The following AKAP6 variants were observed in gnomAD, a reference collection of about 807,000 sequenced individuals.
AKAP6 encodes the protein A-kinase anchoring protein 6, also known as A-kinase anchor protein 6.
Under a neutral mutation model 188.5 loss-of-function variants are expected in AKAP6, and 58 were observed. The observed-to-expected ratio is 0.31, with a 90% confidence interval of 0.25 to 0.38. AKAP6 has a LOEUF of 0.38. AKAP6 is among the 10% of genes least tolerant of loss of function. The probability of loss-of-function intolerance (pLI) is 1.00; values close to 1 mark genes in which losing one functional copy is unlikely to be tolerated. For missense variants in AKAP6, 2,710 were observed against 2,740.0 expected, an observed-to-expected ratio of 0.99 and a Z score of 0.24; for synonymous variants, 989 against 998.6, an observed-to-expected ratio of 0.99 and a Z score of 0.18.
chr14:32,688,161 CCACA>C (rs978828722), intron 8 of AKAP6, among the ~76,000 whole-genome samples: 1 of 150,676 alleles, frequency 6.6e-6, no homozygotes, highest in African/African-American at 2.4e-5. Flanking sequence ...TACACACACA[CCACA>C]CACACACGTC....
chr14:32,490,785 C>T (rs1373679796), intron 2 of AKAP6, among the ~76,000 whole-genome samples: 1 of 152,172 alleles, frequency 6.6e-6, no homozygotes, highest in African/African-American at 2.4e-5. Context: ...AATATTTATA[C>T]TATATCTTCA....
chr14:32,686,330 T>A (rs1295966604), intron 8 of AKAP6, among the ~76,000 whole-genome samples: 1 of 151,872 alleles, frequency 6.6e-6, no homozygotes, highest in Admixed American at 6.6e-5. Flanking sequence ...TGTAGATGGT[T>A]AATGGGTTAA....
intron 8 of AKAP6, among the ~76,000 whole-genome samples, chr14:32,685,194 G>T (rs1205496849): frequency 3.9e-5 from 6 of 152,086 alleles, no homozygotes; most frequent in Non-Finnish European, 5.9e-5. Context: ...AGCCCAGGAG[G>T]TTGAGGCTGC....
At chr14:32,575,009 AG>A (rs1224804246) in intron 4 of AKAP6, among the ~76,000 whole-genome samples, 1 of 152,206 alleles carries the variant, frequency 6.6e-6, no homozygotes, top group African/African-American at 2.4e-5. Context: ...ACATCAAGTC[AG>A]ATATGAACCT....
intron 2 of AKAP6, among the ~76,000 whole-genome samples, chr14:32,487,135 G>A (rs749143035): frequency 2.6e-4 from 39 of 152,194 alleles, no homozygotes; most frequent in Non-Finnish European, 5.1e-4. Context: ...ATTTGTGTAT[G>A]TTGAACCAGC....
At chr14:32,780,155 A>AAAATATATATATATATATATAT (rs1555361856) in intron 12 of AKAP6, among the ~76,000 whole-genome samples, 1 of 91,444 alleles carries the variant, frequency 1.1e-5, no homozygotes, top group East Asian at 3.4e-4. Context: ...TGAAAAAAAA[A>AAAATATATATATATATATATAT]ACATATATAT....
At chr14:32,735,099 CAACAA>C (rs2031352009) in intron 10 of AKAP6, among the ~76,000 whole-genome samples, 2 of 152,078 alleles carry the variant, frequency 1.3e-5, no homozygotes, top group South Asian at 4.2e-4. Context: ...CAGGTAAAAT[CAACAA>C]CATCACCAAG....
chr14:32,420,915 G>GTGTGTGTGTGTGTC (rs1344144433), intron 1 of AKAP6, among the ~76,000 whole-genome samples: 1 of 150,960 alleles, frequency 6.6e-6, no homozygotes, highest in Non-Finnish European at 1.5e-5. Context: ...TGATTTGTGT[G>GTGTGTGTGTGTGTC]TGTGTGTGTG....
At chr14:32,555,379 C>T (rs1310972991) in intron 4 of AKAP6, among the ~76,000 whole-genome samples, 10 of 151,948 alleles carry the variant, frequency 6.6e-5, no homozygotes, top group African/African-American at 2.2e-4. Flanking sequence ...TCCAGAGGAA[C>T]GCATCCTAGC....
chr14:32,635,862 T>C (rs72667983), intron 7 of AKAP6, among the ~76,000 whole-genome samples: 3,123 of 152,168 alleles, frequency 0.021, 47 homozygotes, highest in Non-Finnish European at 0.031. Flanking sequence ...GAAGATTACT[T>C]CAAAGAATAG....
intron 7 of AKAP6, among the ~76,000 whole-genome samples, chr14:32,660,822 A>G (rs1049409862): frequency 6.6e-6 from 1 of 151,748 alleles, no homozygotes; most frequent in Non-Finnish European, 1.5e-5. Context: ...TCAATTCACC[A>G]TTCCTGTTTC....
chr14:32,754,140 TC>T (rs1338316305), intron 11 of AKAP6, among the ~76,000 whole-genome samples: 1 of 152,166 alleles, frequency 6.6e-6, no homozygotes, highest in Non-Finnish European at 1.5e-5. Flanking sequence ...GCTATTTCTC[TC>T]TTCGTTTCTG....
intron 13 of AKAP6, among the ~76,000 whole-genome samples, chr14:32,825,680 A>G (rs981564445): frequency 3.9e-5 from 6 of 152,178 alleles, no homozygotes; most frequent in Non-Finnish European, 8.8e-5. Flanking sequence ...AGTGATGAAT[A>G]TGCTTTCTCA....
intron 1 of AKAP6, among the ~76,000 whole-genome samples, chr14:32,369,817 G>A (rs1887951075): frequency 6.6e-6 from 1 of 152,128 alleles, no homozygotes; most frequent in Non-Finnish European, 1.5e-5. Context: ...GATCACCTGA[G>A]GTCAGGAGTT....
At chr14:32,408,523 A>T (rs201248380) in intron 1 of AKAP6, among the ~76,000 whole-genome samples, 6,669 of 148,174 alleles carry the variant, frequency 0.045, 225 homozygotes, top group East Asian at 0.12. Context: ...AATTTATAAT[A>T]TATAATATAT....
At chr14:32,471,727 A>G (rs1413324820) in intron 2 of AKAP6, among the ~76,000 whole-genome samples, 1 of 152,178 alleles carries the variant, frequency 6.6e-6, no homozygotes, top group Non-Finnish European at 1.5e-5. Context: ...ACCTCCATCC[A>G]TGGTATAAAC....
Position 32,462,680 on chromosome 14 carries a change from A to C in AKAP6, c.324+28863A>C, listed in dbSNP as rs556588317. On this transcript the variant is annotated intron_variant, in intron 2 of 13. Transcript: ENST00000280979. ...GAAACTGCATCAACTAATATGCAAA[A>C]TAACCAGCTAGCGTCATGATGACAG... Among the ~76,000 whole-genome samples the C allele has an allele frequency of 1.6e-4, 25 of 152,236 alleles. 1 individual carries two copies. The South Asian group carries it at 5.0e-3, about 30-fold the overall frequency.
chr14:32,763,920 C>A (rs1317489784), intron 11 of AKAP6, among the ~76,000 whole-genome samples: 1 of 152,040 alleles, frequency 6.6e-6, no homozygotes, highest in African/African-American at 2.4e-5. Context: ...TAATGTTTTG[C>A]TATTTTGAAG....
chr14:32,532,343 C>G (rs929542527), intron 2 of AKAP6, among the ~76,000 whole-genome samples: 48 of 152,290 alleles, frequency 3.2e-4, no homozygotes, highest in African/African-American at 1.0e-3. Context: ...GGTCCATCTG[C>G]TTCTGTGGGA....
Sources: gnomAD v4.1 joint callset for allele counts (sites outside exome capture counted in the v4.1 genomes callset) on GRCh38, gnomAD v4.1.1 for gene constraint, MANE v1.5 for transcripts, NCBI Gene and HGNC (gene_info 2026-07-23, HGNC 2026-07-21) for gene names.